LRRC4C: variants seen among roughly 807,000 people sequenced by gnomAD.
LRRC4C encodes the protein leucine rich repeat containing 4C.
A neutral mutation model predicts 33.6 loss-of-function variants in LRRC4C; 5 were observed. The ratio of observed to expected loss-of-function variants is 0.15; its 90% CI spans 0.08 to 0.31. The LOEUF (loss-of-function observed/expected upper bound fraction) is 0.31. Ranked by LOEUF, LRRC4C falls within the 10% of genes least tolerant of loss-of-function variation. LRRC4C has a pLI of 1.00. For missense variants in LRRC4C, 560 were observed against 796.7 expected, an observed-to-expected ratio of 0.70 and a Z score of 3.58; for synonymous variants, 329 against 302.0, an observed-to-expected ratio of 1.09 and a Z score of -0.93.
intron 1 of LRRC4C, among the ~76,000 whole-genome samples, chr11:41,197,098 G>C (rs1056934704): frequency 2.0e-5 from 3 of 152,024 alleles, no homozygotes; most frequent in Admixed American, 6.6e-5. Context: ...ACTTTGCTAA[G>C]ACAGCAAACA....
intron 1 of LRRC4C, among the ~76,000 whole-genome samples, chr11:41,241,689 T>C (rs1487075): frequency 0.18 from 27,101 of 152,170 alleles, 3,013 homozygotes; most frequent in East Asian, 0.44. Context: ...GAATGTTTTG[T>C]AGGTATCACT....
At chr11:40,678,703 C>T (rs953845287) in intron 2 of LRRC4C, among the ~76,000 whole-genome samples, 6 of 152,208 alleles carry the variant, frequency 3.9e-5, no homozygotes, top group African/African-American at 1.4e-4. Context: ...CCACGTAAGA[C>T]GTCCCTTTGC....
intron 3 of LRRC4C, among the ~76,000 whole-genome samples, chr11:40,515,795 A>G (rs1419899561): frequency 1.3e-5 from 2 of 152,104 alleles, no homozygotes; most frequent in Admixed American, 1.3e-4. Context: ...GAGGTGAACC[A>G]GTTAGTCCTC....
intron 2 of LRRC4C, among the ~76,000 whole-genome samples, chr11:40,703,040 G>A (rs1945953114): frequency 6.6e-6 from 1 of 151,998 alleles, no homozygotes; most frequent in Non-Finnish European, 1.5e-5. Context: ...AAGAAATACA[G>A]AAATTAGAAA....
intron 5 of LRRC4C, among the ~76,000 whole-genome samples, chr11:40,183,672 A>G (rs1362557290): frequency 6.6e-6 from 1 of 152,218 alleles, no homozygotes; most frequent in Non-Finnish European, 1.5e-5. Flanking sequence ...TTGTTCATTG[A>G]AAAGGTTGAG....
intron 5 of LRRC4C, among the ~76,000 whole-genome samples, chr11:40,146,751 C>T (rs1340460683): frequency 1.3e-5 from 2 of 152,152 alleles, no homozygotes; most frequent in Non-Finnish European, 2.9e-5. Context: ...TGGACTAGGA[C>T]ATCCTCATTA....
intron 1 of LRRC4C, among the ~76,000 whole-genome samples, chr11:41,031,282 C>T (rs1052072626): frequency 3.3e-5 from 5 of 151,964 alleles, no homozygotes; most frequent in South Asian, 4.1e-4. Context: ...ATTCTGCTTC[C>T]TATCTGGACT....
At chr11:40,765,182 G>A (rs765079845) in intron 2 of LRRC4C, among the ~76,000 whole-genome samples, 1 of 152,152 alleles carries the variant, frequency 6.6e-6, no homozygotes, top group African/African-American at 2.4e-5. Context: ...CAGTGTTGGA[G>A]GTGGGGCTTG....
intron 1 of LRRC4C, among the ~76,000 whole-genome samples, chr11:41,411,021 G>C (rs1954454453): frequency 6.6e-6 from 1 of 151,800 alleles, no homozygotes; most frequent in African/African-American, 2.4e-5. Context: ...TCCTATAGGA[G>C]GCAGAGATCA....
At chr11:40,702,955 G>C (rs1246705633) in intron 2 of LRRC4C, among the ~76,000 whole-genome samples, 3 of 152,048 alleles carry the variant, frequency 2.0e-5, no homozygotes, top group South Asian at 2.1e-4. Context: ...ACTGGCCACA[G>C]AATCAATATC....
chr11:40,249,565 T>C (rs896211402), intron 4 of LRRC4C, among the ~76,000 whole-genome samples: 1 of 149,600 alleles, frequency 6.7e-6, no homozygotes, highest in Non-Finnish European at 1.5e-5. Flanking sequence ...TTATATATAC[T>C]ACATATAATC....
intron 4 of LRRC4C, among the ~76,000 whole-genome samples, chr11:40,297,240 G>T (rs964527662): frequency 6.6e-6 from 1 of 152,114 alleles, no homozygotes; most frequent in Admixed American, 6.6e-5. Flanking sequence ...CATACTTAAA[G>T]TTTGTGTCTT....
chr11:40,430,930 C>T (rs1254076162), intron 3 of LRRC4C, among the ~76,000 whole-genome samples: 8 of 107,218 alleles, frequency 7.5e-5, no homozygotes, highest in African/African-American at 3.8e-5. Flanking sequence ...GGGAATATCA[C>T]ACTCTGGGGA....
At chr11:40,451,678 C>A (rs1341640145) in intron 3 of LRRC4C, among the ~76,000 whole-genome samples, 1 of 151,994 alleles carries the variant, frequency 6.6e-6, no homozygotes, top group African/African-American at 2.4e-5. Flanking sequence ...AGCCACTGCA[C>A]CCGGCCAGAA....
At chr11:40,326,285 C>T (rs1319549804) in intron 3 of LRRC4C, among the ~76,000 whole-genome samples, 1 of 152,096 alleles carries the variant, frequency 6.6e-6, no homozygotes, top group African/African-American at 2.4e-5. Flanking sequence ...TAAGTCTGGC[C>T]AGGCGCAGTG....
chr11:41,117,408 GCTAA>G (rs749035823), intron 1 of LRRC4C, among the ~76,000 whole-genome samples: 25 of 152,154 alleles, frequency 1.6e-4, no homozygotes, highest in Admixed American at 3.9e-4. Flanking sequence ...AGTGATAATG[GCTAA>G]CTAATTTTAT....
At chr11:41,238,813 A>G (rs1948127292) in intron 1 of LRRC4C, among the ~76,000 whole-genome samples, 1 of 152,158 alleles carries the variant, frequency 6.6e-6, no homozygotes, top group Non-Finnish European at 1.5e-5. Flanking sequence ...ATTCAACTCT[A>G]CGATCTTGGA....
At chr11:41,328,467 G>T (rs370109048) in intron 1 of LRRC4C, among the ~76,000 whole-genome samples, 89 of 152,058 alleles carry the variant, frequency 5.9e-4, no homozygotes, top group Middle Eastern at 3.4e-3. Context: ...ACCTAGCGTG[G>T]GTTAAGGGCA....
chr11:40,356,851 T>C (rs1390665733), intron 3 of LRRC4C, among the ~76,000 whole-genome samples: 2 of 152,170 alleles, frequency 1.3e-5, no homozygotes, highest in Non-Finnish European at 2.9e-5. Flanking sequence ...TATATTTGAT[T>C]TTTTAAAATC....
Sources: allele counts gnomAD v4.1 joint callset (sites outside exome capture counted in the v4.1 genomes callset), GRCh38; gene constraint gnomAD v4.1.1; transcripts MANE v1.5; gene names NCBI Gene and HGNC (gene_info 2026-07-23, HGNC 2026-07-21).